Variants in ADAMTSL1 observed in about 807,000 individuals in gnomAD.
ADAMTSL1 encodes ADAMTS like 1, also known as ADAMTS-like protein 1.
In ADAMTSL1, 126 loss-of-function variants were observed where a neutral mutation model predicts 201.8. That is an observed-to-expected ratio of 0.62 (90% confidence interval 0.54 to 0.72). ADAMTSL1 has a LOEUF of 0.72. Ranked by LOEUF, ADAMTSL1 falls within the 30% of genes least tolerant of loss-of-function variation. ADAMTSL1 has a pLI of 0.00. For missense variants in ADAMTSL1, 2,679 were observed against 2,277.8 expected (o/e 1.18, Z -3.59); for synonymous variants, 1,121 against 903.4 (o/e 1.24, Z -4.32).
chr9:18,449,423 C>T (rs1339867895), intron 2 of ADAMTSL1, among the ~76,000 whole-genome samples: 1 of 151,822 alleles, frequency 6.6e-6, no homozygotes, highest in Non-Finnish European at 1.5e-5. Flanking sequence ...AGGGCTTTAC[C>T]AAGACTTAAC....
At chr9:18,231,718 C>A (rs1165001497) in intron 2 of ADAMTSL1, among the ~76,000 whole-genome samples, 2 of 152,224 alleles carry the variant, frequency 1.3e-5, no homozygotes, top group East Asian at 3.9e-4. Context: ...TAAAAGGAAT[C>A]TCCAACTTAC....
intron 2 of ADAMTSL1, among the ~76,000 whole-genome samples, chr9:18,523,624 T>C (rs1818844605): frequency 6.6e-6 from 1 of 150,832 alleles, no homozygotes; most frequent in African/African-American, 2.4e-5. Flanking sequence ...TTGTATAAGG[T>C]GTAAGGAAGG....
rs1052282295 is a variant in ADAMTSL1 at position 18,801,460 on chromosome 9, G to C, written c.3805+5936G>C. 5.3e-5 allele frequency among the ~76,000 whole-genome samples: 8 copies of C among 152,192 alleles called. No homozygotes were observed. The South Asian group carries it at 8.3e-4, about 16-fold the overall frequency. On this transcript the variant is annotated intron_variant, in intron 20 of 28. Transcript: ENST00000380548. ...TCATGTCACAGGGATTTGTTGTACAGATTATTTCATCACCCAGGTACTCAG... is the reference window on the plus strand; with the variant it reads ...TCATGTCACAGGGATTTGTTGTACACATTATTTCATCACCCAGGTACTCAG...
chr9:18,549,275 T>C (rs923758498), intron 3 of ADAMTSL1, among the ~76,000 whole-genome samples: 11 of 152,010 alleles, frequency 7.2e-5, no homozygotes, highest in South Asian at 2.1e-4. Context: ...GACTAAAGGC[T>C]GAAACTTCTC....
At chr9:18,821,597 C>CGTT (rs1246568957) in intron 21 of ADAMTSL1, among the ~76,000 whole-genome samples, 1 of 152,164 alleles carries the variant, frequency 6.6e-6, no homozygotes, top group African/African-American at 2.4e-5. Flanking sequence ...GAACAGCTAT[C>CGTT]GTTGTCTGCC....
intron 1 of ADAMTSL1, among the ~76,000 whole-genome samples, chr9:17,915,464 C>T (rs1826055755): frequency 6.6e-6 from 1 of 152,158 alleles, no homozygotes; most frequent in South Asian, 2.1e-4. Flanking sequence ...CAGCATTCAC[C>T]TATTGATGGA....
intron 14 of ADAMTSL1, among the ~76,000 whole-genome samples, chr9:18,714,876 A>T (rs1182469692): frequency 2.0e-5 from 3 of 151,074 alleles, no homozygotes; most frequent in Non-Finnish European, 4.4e-5. Flanking sequence ...CAAATCCAGC[A>T]GCACATCAAA....
In ADAMTSL1 at chr9:18,005,916, T is replaced by C. The variant is rs139389112; in HGVS notation, c.87+98994T>C. Among the ~76,000 whole-genome samples, 29 of 152,092 alleles carry C rather than the reference T, an allele frequency of 1.9e-4. No individual in the cohort carries two copies. In the East Asian group the frequency reaches 5.1e-3, roughly 27 times the overall value. Reference sequence around the variant, plus strand: ...TATATTATGGTGAGTTTTGCATAGGTCATGTCTTCTACCAGTCATAAAATC... The same window carrying C: ...TATATTATGGTGAGTTTTGCATAGGCCATGTCTTCTACCAGTCATAAAATC... On this transcript the variant is annotated intron_variant, in intron 1 of 29. Transcript: ENST00000680146.
At chr9:18,297,319 C>G (rs953045432) in intron 2 of ADAMTSL1, among the ~76,000 whole-genome samples, 11 of 151,802 alleles carry the variant, frequency 7.2e-5, no homozygotes, top group African/African-American at 2.4e-4. Context: ...CATCGTTTTA[C>G]TCTCAATGGT....
At chr9:18,515,251 AG>A (rs1818293777) in intron 2 of ADAMTSL1, among the ~76,000 whole-genome samples, 1 of 152,126 alleles carries the variant, frequency 6.6e-6, no homozygotes, top group Admixed American at 6.5e-5. Flanking sequence ...GCCGTCTCGA[AG>A]GGGGTGATAG....
intron 2 of ADAMTSL1, among the ~76,000 whole-genome samples, chr9:18,168,715 T>G (rs1453935956): frequency 2.6e-4 from 37 of 144,956 alleles, no homozygotes; most frequent in East Asian, 8.2e-4. Flanking sequence ...ACTTCCACAA[T>G]GGTTGAACTA....
chr9:18,287,523 T>C (rs1833044098), intron 2 of ADAMTSL1, among the ~76,000 whole-genome samples: 1 of 151,272 alleles, frequency 6.6e-6, no homozygotes, highest in Non-Finnish European at 1.5e-5. Flanking sequence ...TGTAATATAT[T>C]TACATATATG....
chr9:17,922,005 T>C (rs138057113), intron 1 of ADAMTSL1, among the ~76,000 whole-genome samples: 3 of 152,158 alleles, frequency 2.0e-5, no homozygotes, highest in Non-Finnish European at 2.9e-5. Flanking sequence ...GAACATAGAG[T>C]TAACATGATA....
intron 1 of ADAMTSL1, among the ~76,000 whole-genome samples, chr9:18,074,591 T>G (rs1823129421): frequency 6.6e-6 from 1 of 151,180 alleles, no homozygotes; most frequent in South Asian, 2.1e-4. Context: ...TTTTTTGTTG[T>G]TGTTGTTATT....
intron 3 of ADAMTSL1, among the ~76,000 whole-genome samples, chr9:18,533,608 G>T (rs1008736128): frequency 2.0e-5 from 3 of 152,092 alleles, no homozygotes; most frequent in Non-Finnish European, 4.4e-5. Context: ...AAACCAGTTG[G>T]GGTATCATGA....
intron 1 of ADAMTSL1, among the ~76,000 whole-genome samples, chr9:18,100,049 GT>G (rs1271232931): frequency 6.6e-6 from 1 of 151,850 alleles, no homozygotes; most frequent in African/African-American, 2.4e-5. Flanking sequence ...TCATTTCTGA[GT>G]TTTTCTAATT....
intron 17 of ADAMTSL1, among the ~76,000 whole-genome samples, chr9:18,771,015 G>A (rs77891606): frequency 6.6e-6 from 1 of 152,156 alleles, no homozygotes; most frequent in African/African-American, 2.4e-5. Flanking sequence ...TTGTAAATGG[G>A]CTCCTCGTGG....
chr9:18,743,340 C>T (rs1353693967), intron 15 of ADAMTSL1, among the ~76,000 whole-genome samples: 1 of 152,096 alleles, frequency 6.6e-6, no homozygotes, highest in Non-Finnish European at 1.5e-5. Context: ...GGTTTAGATG[C>T]AAATGGCATG....
chr9:18,241,224 A>G (rs925369265), intron 2 of ADAMTSL1, among the ~76,000 whole-genome samples: 17 of 152,162 alleles, frequency 1.1e-4, no homozygotes, highest in African/African-American at 4.1e-4. Context: ...TTTGATTTCA[A>G]GTGAAAGATA....
Sources: gnomAD v4.1 joint callset for allele counts (sites outside exome capture counted in the v4.1 genomes callset) on GRCh38, gnomAD v4.1.1 for gene constraint, MANE v1.5 for transcripts, NCBI Gene and HGNC (gene_info 2026-07-23, HGNC 2026-07-21) for gene names.